Variants in CYLC1 observed in about 807,000 individuals in gnomAD.
The protein encoded by CYLC1 is cylicin 1.
Under a neutral mutation model 31.6 loss-of-function variants are expected in CYLC1, and 2 were observed. That is an observed-to-expected ratio of 0.06 (90% CI 0.03 to 0.20). The LOEUF (loss-of-function observed/expected upper bound fraction) is 0.20, where lower values mean the gene tolerates loss of function less well. Among genes scored for constraint, CYLC1 ranks in the 10% least tolerant of loss-of-function variants. CYLC1 has a pLI of 1.00. For synonymous variants in CYLC1, 185 were observed against 153.0 expected (o/e 1.21, Z -1.54); for missense variants, 595 against 424.1 (o/e 1.40, Z -3.54).
At position 83,869,311 on chromosome X, in the gene CYLC1, C is replaced by T. The variant is rs183319920; in HGVS notation, c.18-554C>T. ...GTTCACTGTACAGATTATTTAATCACTCAGGTATTAAGCCTGGTACCCATT... is the reference window on the plus strand; with the variant it reads ...GTTCACTGTACAGATTATTTAATCATTCAGGTATTAAGCCTGGTACCCATT... On this transcript the variant is annotated intron_variant, in intron 1 of 4. Transcript: ENST00000329312. 8.5e-3 allele frequency among the ~76,000 whole-genome samples: 940 copies of T among 110,668 alleles called. 5 individuals carry two copies. The highest frequency in any genetic ancestry group is 0.014 in the Non-Finnish European group (758 of 52,629).
chrX:83,870,787 G>A (rs944756743), intron 2 of CYLC1, among the ~76,000 whole-genome samples: 13 of 110,822 alleles, frequency 1.2e-4, no homozygotes, highest in Non-Finnish European at 2.5e-4. Flanking sequence ...GTTGAGTTTC[G>A]TTACCAGTTC....
intron 4 of CYLC1, among the ~76,000 whole-genome samples, chrX:83,876,439 T>A (rs2031760167): frequency 9.0e-6 from 1 of 111,222 alleles, no homozygotes; most frequent in African/African-American, 3.3e-5. Context: ...GAAAAGTAAA[T>A]AAAATATAAG....
At chrX:83,878,705 A>G (rs2031865628) in intron 4 of CYLC1, among the ~76,000 whole-genome samples, 1 of 103,327 alleles carries the variant, frequency 9.7e-6, no homozygotes, top group Admixed American at 1.1e-4. Flanking sequence ...CATTAAAACA[A>G]GTATTTTTTT....
intron 4 of CYLC1, among the ~76,000 whole-genome samples, chrX:83,880,014 C>G (rs757202704): frequency 6.3e-5 from 7 of 111,250 alleles, no homozygotes; most frequent in Admixed American, 5.8e-4. Flanking sequence ...TCGTGCCATA[C>G]GTTTGATCTT....
At chrX:83,878,171 AT>A (rs1300950044) in intron 4 of CYLC1, among the ~76,000 whole-genome samples, 3 of 38,435 alleles carry the variant, frequency 7.8e-5, no homozygotes, top group African/African-American at 1.2e-4. Context: ...TATATATAAA[AT>A]ATATATATTT....
Position 83,873,560 on chromosome X carries a change from A to G in CYLC1, c.852A>G (p.Thr284=), listed in dbSNP as rs777613896. The G allele has an allele frequency of 8.4e-7, 1 of 1,192,950 alleles. No individual in the cohort carries two copies. Among genetic ancestry groups the G allele is most frequent in the Non-Finnish European group, 1.1e-6 (1 of 884,679 alleles). The change falls in exon 4 of 5, where the codon ACA becomes ACG. Residue 284 remains threonine, a synonymous_variant. Coordinates refer to ENST00000329312, the MANE Select transcript of CYLC1 (RefSeq NM_021118.3). ...ATTCTTTGAAGTATACAAAGTATAC[A>G]AAGAAGGACACAAAAAAGAATGCAA... ...KNYSLKYTKY[T]KKDTKKNAKK...
intron 1 of CYLC1, among the ~76,000 whole-genome samples, chrX:83,868,741 T>C (rs1402033732): frequency 2.7e-5 from 3 of 111,490 alleles, no homozygotes; most frequent in South Asian, 3.6e-4. Flanking sequence ...TTCCACATAA[T>C]TAGTTATGTT....
intron 4 of CYLC1, among the ~76,000 whole-genome samples, chrX:83,877,887 T>C (rs1173741096): frequency 3.1e-5 from 2 of 64,628 alleles, no homozygotes; most frequent in East Asian, 4.5e-4. Flanking sequence ...CATATATATA[T>C]ATATATATAC....
In CYLC1 at chrX:83,873,805, A is replaced by G. The variant is rs772629528; in HGVS notation, c.1097A>G (p.Tyr366Cys). The change falls in exon 4 of 5, where the codon TAC becomes TGC. Residue 366 changes from tyrosine to cysteine, a missense_variant. Physicochemically the swap from Tyr to Cys is radical, Grantham distance 194. Transcript: ENST00000329312. Reference protein sequence around the residue: ...KDDKKKDTKKYPESTDTESGD... With the variant: ...KDDKKKDTKKCPESTDTESGD... ...GACAAGAAAAAGGACACAAAGAAGT[A>G]CCCAGAGTCTACTGATACTGAATCA... 3 of 1,192,039 alleles carry G rather than the reference A, an allele frequency of 2.5e-6. No individual in the cohort carries two copies. Among genetic ancestry groups the G allele is most frequent in the Middle Eastern group, 2.3e-4 (1 of 4,285 alleles).
At chrX:83,881,756 G>A (rs1210213149) in intron 4 of CYLC1, among the ~76,000 whole-genome samples, 2 of 99,060 alleles carry the variant, frequency 2.0e-5, no homozygotes, top group Non-Finnish European at 4.0e-5. Context: ...ACAGAGTCTC[G>A]CGCGATCTCG....
At chrX:83,871,917 G>A (rs955973341) in intron 3 of CYLC1, among the ~76,000 whole-genome samples, 6 of 111,009 alleles carry the variant, frequency 5.4e-5, no homozygotes, top group Non-Finnish European at 9.5e-5. Flanking sequence ...TACAAAATAT[G>A]AAATTCAGAG....
At chrX:83,878,466 T>TATATATAAATATATATATAA (rs2031858341) in intron 4 of CYLC1, among the ~76,000 whole-genome samples, 2 of 18,129 alleles carry the variant, frequency 1.1e-4, no homozygotes, top group Non-Finnish European at 2.0e-4. Context: ...TATATATAAA[T>TATATATAAATATATATATAA]ATATATATAA....
chrX:83,873,149 A>C lies in CYLC1; in HGVS notation c.441A>C (p.Ile147=), dbSNP rs145042237. The C allele has an allele frequency of 4.7e-4, 569 of 1,199,703 alleles. No homozygotes were observed. The highest frequency in any genetic ancestry group is 6.0e-4 in the Non-Finnish European group (534 of 889,966). ...CAACAAATCCAGAATCCAAGCAAATAGTAGAAGAGAAAACTAAAAGACAAA... is the reference window on the plus strand; with the variant it reads ...CAACAAATCCAGAATCCAAGCAAATCGTAGAAGAGAAAACTAAAAGACAAA... The part of the protein sequence containing the change: ...SYATNPESKQ[I]VEEKTKRQNE... The change falls in exon 4 of 5, where the codon ATA becomes ATC. Residue 147 remains isoleucine, a synonymous_variant. Transcript: ENST00000329312.
intron 1 of CYLC1, among the ~76,000 whole-genome samples, chrX:83,867,875 T>C (rs372307108): frequency 3.6e-4 from 40 of 111,842 alleles, no homozygotes; most frequent in African/African-American, 1.3e-3. Flanking sequence ...CGGATATTTT[T>C]TATTATTCAG....
rs777772834 is a variant in CYLC1 at position 83,874,277 on chromosome X, A to G, written c.1569A>G (p.Glu523=). Residue 523 remains glutamate, a synonymous_variant, in exon 4 of 5, where the codon GAA becomes GAG. Coordinates refer to ENST00000329312, the MANE Select transcript of CYLC1 (RefSeq NM_021118.3). Reference sequence around the variant, plus strand: ...AGGACACAGAGTCTACTGATGCTGAATTTGATGAATCTTCCAAGACAGGCT... The same window carrying G: ...AGGACACAGAGTCTACTGATGCTGAGTTTGATGAATCTTCCAAGACAGGCT... ...ARKDTESTDA[E]FDESSKTGFK... 3 of 1,209,934 alleles carry G rather than the reference A, an allele frequency of 2.5e-6. No individual in the cohort carries two copies. In the East Asian group the frequency reaches 8.9e-5, roughly 36 times the overall value.
At chrX:83,876,828 G>A (rs758973128) in intron 4 of CYLC1, among the ~76,000 whole-genome samples, 2 of 110,521 alleles carry the variant, frequency 1.8e-5, no homozygotes, top group South Asian at 7.6e-4. Context: ...ATTAAAAATT[G>A]GAATGATCCT....
At chrX:83,883,102 G>A (rs772865294) in intron 4 of CYLC1, among the ~76,000 whole-genome samples, 1 of 110,634 alleles carries the variant, frequency 9.0e-6, no homozygotes, top group Admixed American at 9.7e-5. Flanking sequence ...CATTTATATT[G>A]CCCCTCTTTT....
At chrX:83,882,044 G>A (rs1250783375) in intron 4 of CYLC1, among the ~76,000 whole-genome samples, 1 of 111,137 alleles carries the variant, frequency 9.0e-6, no homozygotes, top group African/African-American at 3.3e-5. Flanking sequence ...TTAATTTGAA[G>A]CCATCCCACT....
At chrX:83,877,839 T>G (rs1367710382) in intron 4 of CYLC1, among the ~76,000 whole-genome samples, 1 of 91,123 alleles carries the variant, frequency 1.1e-5, no homozygotes, top group Non-Finnish European at 2.1e-5. Context: ...ACATCAGAAT[T>G]CAGGTTCTAT....
Sources: allele counts gnomAD v4.1 joint callset (sites outside exome capture counted in the v4.1 genomes callset), GRCh38; gene constraint gnomAD v4.1.1; transcripts MANE v1.5; gene names NCBI Gene and HGNC (gene_info 2026-07-23, HGNC 2026-07-21).